The following SIX6 variants were observed in gnomAD, a reference collection of about 807,000 sequenced individuals.
SIX6 encodes homeobox protein SIX6.
Under a neutral mutation model 23.6 loss-of-function variants are expected in SIX6, and 14 were observed. That is an observed-to-expected ratio of 0.59 (90% CI 0.39 to 0.93). The LOEUF (loss-of-function observed/expected upper bound fraction) is 0.93. Among genes scored for constraint, SIX6 ranks in the 40% least tolerant of loss-of-function variants. SIX6 has a pLI of 0.00. For missense variants in SIX6, 307 were observed against 325.6 expected, an observed-to-expected ratio of 0.94 and a Z score of 0.44; for synonymous variants, 128 against 144.9, an observed-to-expected ratio of 0.88 and a Z score of 0.84.
In SIX6 at chr14:60,509,546, A is replaced by G; in HGVS notation, c.148A>G (p.Asn50Asp). The G allele has an allele frequency of 6.2e-7, 1 of 1,610,734 alleles. No homozygotes were observed. The highest frequency in any genetic ancestry group is 8.5e-7 in the Non-Finnish European group (1 of 1,179,994). ...APAACEALNK[N>D]ESVLRARAIV... The stretch of plus-strand genomic sequence containing the variant: ...TGCGGCCTGCGAGGCCCTCAACAAG[A>G]ATGAGTCGGTGCTACGCGCACGAGC... Residue 50 changes from asparagine (N) to aspartate (D), a missense_variant, in exon 1 of 2, where the codon AAT becomes GAT. Physicochemically the swap from Asn to Asp is conservative, Grantham distance 23. Transcript: ENST00000327720.
At position 60,509,311 on chromosome 14, in the gene SIX6, G is replaced by T; in HGVS notation, c.-88G>T. ...CTGCCCCAATCCGCCTCATCAACAA[G>T]CGCCTGGCACACTCAGCCAGGCCCG... On this transcript the variant is annotated 5_prime_UTR_variant, in exon 1 of 2. Coordinates refer to ENST00000327720, the MANE Select transcript of SIX6 (RefSeq NM_007374.3). The T allele has an allele frequency of 8.6e-7, 1 of 1,166,014 alleles. No homozygotes were observed. Among genetic ancestry groups the T allele is most frequent in the East Asian group, 2.4e-5 (1 of 42,438 alleles). 72.2% of individuals were successfully genotyped at this position (1,166,014 alleles called of 1,614,324 possible). A position where few individuals can be genotyped will look rare whatever the true frequency, so the allele number is the denominator to read the frequency against.
At chr14:60,510,020 G>A (rs1445475917) in intron 1 of SIX6, 50 bp downstream of exon 1, 1 of 1,503,452 alleles carries the variant, frequency 6.7e-7, no homozygotes, top group East Asian at 2.4e-5. Flanking sequence ...GAGGAGGCGG[G>A]TGGAGGCACC....
rs1265827837 is a variant in SIX6, at chr14:60,509,452, T to A, written c.54T>A (p.Cys18Ter). The A allele has an allele frequency of 6.2e-7, 1 of 1,600,010 alleles. No homozygotes were observed. Among genetic ancestry groups the A allele is most frequent in the African/African-American group, 1.3e-5 (1 of 75,062 alleles). ...GCCCCCAGCAAGTGGCCGGGGTATG[T>A]GAGACCCTGGAAGAGAGCGGCGATG... ...NFSPQQVAGV[C>*]ETLEESGDVE... Residue 18 changes from cysteine to a stop codon, truncating the protein, a stop_gained, in exon 1 of 2, where the codon TGT becomes TGA. Transcript: ENST00000327720. LOFTEE classifies it high-confidence loss of function.
intron 1 of SIX6, among the ~76,000 whole-genome samples, chr14:60,510,399 T>C (rs984302212): frequency 2.0e-5 from 3 of 152,240 alleles, no homozygotes; most frequent in African/African-American, 7.2e-5. Context: ...AGCCCAGGTA[T>C]ATCCCTCCCT....
At chr14:60,510,948 G>A in intron 1 of SIX6, 136 bp from the exon 2 acceptor site, 1 of 895,926 alleles carries the variant, frequency 1.1e-6, no homozygotes, top group Non-Finnish European at 1.7e-6. Flanking sequence ...GCCTTGCCGA[G>A]TAATCCTCGC....
In SIX6 at chr14:60,509,956, T is replaced by C; in HGVS notation, c.558T>C (p.Ala186=). The C allele has an allele frequency of 1.2e-6, 2 of 1,604,952 alleles. No individual in the cohort carries two copies. The highest frequency in any genetic ancestry group is 1.7e-6 in the Non-Finnish European group (2 of 1,175,276). The change falls in exon 1 of 2, where the codon GCT becomes GCC. Residue 186 remains alanine, a synonymous_variant. Coordinates refer to ENST00000327720, the MANE Select transcript of SIX6 (RefSeq NM_007374.3). The part of the protein sequence containing the change: ...FKNRRQRDRA[A]AAKNRLQQQV... ...ACCGCCGACAAAGGGACCGAGCGGC[T>C]GCAGCCAAGAACAGGTCGGTACCTA...
chr14:60,510,869 G>T (rs546622057), intron 1 of SIX6, among the ~76,000 whole-genome samples: 2 of 152,368 alleles, frequency 1.3e-5, no homozygotes, highest in South Asian at 4.1e-4. Context: ...GAAAGGGCGC[G>T]AATCATGGTG....
Position 60,509,302 on chromosome 14 carries a change from C to G in SIX6, c.-97C>G. 4 of 1,080,220 alleles carry G rather than the reference C, an allele frequency of 3.7e-6. No homozygotes were observed. The highest frequency in any genetic ancestry group is 3.5e-5 in the Admixed American group (2 of 57,872). The allele number at this position is 1,080,220 out of a possible 1,614,324, so 66.9% of individuals were successfully genotyped here. A position where few individuals can be genotyped will look rare whatever the true frequency, so the allele number is the denominator to read the frequency against. The stretch of plus-strand genomic sequence containing the variant: ...TGTGTCCCGCTGCCCCAATCCGCCT[C>G]ATCAACAAGCGCCTGGCACACTCAG... On this transcript the variant is annotated 5_prime_UTR_variant, in exon 1 of 2. Transcript: ENST00000327720.
rs958745864 is a variant in SIX6 at position 60,511,202 on chromosome 14, G to A, written c.691G>A (p.Ala231Thr). ...SPAASLSSKA[A>T]TSAISITSSD... The stretch of plus-strand genomic sequence containing the variant: ...GGCCGCCAGTCTATCCAGCAAGGCG[G>A]CCACTTCAGCCATCTCCATCACGTC... The change falls in exon 2 of 2, where the codon GCC becomes ACC. Residue 231 changes from alanine to threonine, a missense_variant. By Grantham distance (58) the Ala-to-Thr change is moderately conservative. Transcript: ENST00000327720. 1.2e-6 allele frequency: 2 copies of A among 1,613,106 alleles called. No individual in the cohort carries two copies. Among genetic ancestry groups the A allele is most frequent in the African/African-American group, 1.3e-5 (1 of 74,932 alleles).
intron 1 of SIX6, among the ~76,000 whole-genome samples, chr14:60,510,715 T>C (rs1893277637): frequency 6.6e-6 from 1 of 152,188 alleles, no homozygotes; most frequent in Non-Finnish European, 1.5e-5. Flanking sequence ...AGAAATGGTA[T>C]CCCATGTCCC....
Position 60,509,169 on chromosome 14 carries a change from C to A in SIX6, c.-230C>A, listed in dbSNP as rs1324165544. The A allele has an allele frequency of 3.5e-6, 2 of 566,172 alleles. No individual in the cohort carries two copies. The highest frequency in any genetic ancestry group is 3.9e-5 in the African/African-American group (2 of 51,804). The allele number at this position is 566,172 out of a possible 1,614,324, so 35.1% of individuals were successfully genotyped here. A position where few individuals can be genotyped will look rare whatever the true frequency, so the allele number is the denominator to read the frequency against. On this transcript the variant is annotated 5_prime_UTR_variant, in exon 1 of 2. Transcript: ENST00000327720. ...CCAATAGCGGAGCCAGCTCGCCTGC[C>A]GGCGTGCCTGAGCCGAGCCGAGCCC...
rs769430744 is a variant in SIX6 at position 60,509,948 on chromosome 14, C to A, written c.550C>A (p.Arg184=). The A allele has an allele frequency of 1.2e-6, 2 of 1,606,834 alleles. No homozygotes were observed. Among genetic ancestry groups the A allele is most frequent in the South Asian group, 1.1e-5 (1 of 90,104 alleles). Residue 184 remains arginine, a synonymous_variant, in exon 1 of 2, where the codon CGA becomes AGA. Coordinates refer to ENST00000327720, the MANE Select transcript of SIX6 (RefSeq NM_007374.3). ...GTTCAAAAACCGCCGACAAAGGGAC[C>A]GAGCGGCTGCAGCCAAGAACAGGTC... ...NWFKNRRQRD[R]AAAAKNRLQQ...
Position 60,509,261 on chromosome 14 carries a change from C to G in SIX6, c.-138C>G. The G allele has an allele frequency of 1.3e-6, 1 of 756,748 alleles. No homozygotes were observed. 46.9% of individuals were successfully genotyped at this position (756,748 alleles called of 1,614,324 possible). A position where few individuals can be genotyped will look rare whatever the true frequency, so the allele number is the denominator to read the frequency against. Reference sequence around the variant, plus strand: ...CGTCCGCTCCCGGCCGTTGAGCCACCGCCGCCACCCGGTAGTGTGTCCCGC... The same window carrying G: ...CGTCCGCTCCCGGCCGTTGAGCCACGGCCGCCACCCGGTAGTGTGTCCCGC... On this transcript the variant is annotated 5_prime_UTR_variant, in exon 1 of 2. Coordinates refer to ENST00000327720, the MANE Select transcript of SIX6 (RefSeq NM_007374.3).
intron 1 of SIX6, among the ~76,000 whole-genome samples, chr14:60,510,423 C>G (rs1267505994): frequency 6.6e-6 from 1 of 152,184 alleles, no homozygotes; most frequent in African/African-American, 2.4e-5. Context: ...GCTTTGAAAA[C>G]AGTTTTCAAT....
In SIX6 at chr14:60,512,449, ATCT is replaced by A. The variant is rs1893309188; in HGVS notation, c.*1202_*1204del. The A allele has an allele frequency of 6.6e-6, 1 of 152,204 alleles. No homozygotes were observed. The highest frequency in any genetic ancestry group is 1.5e-5 in the Non-Finnish European group (1 of 68,036). 9.4% of individuals were successfully genotyped at this position (152,204 alleles called of 1,614,324 possible). On this transcript the variant is annotated 3_prime_UTR_variant, in exon 2 of 2. Coordinates refer to ENST00000327720, the MANE Select transcript of SIX6 (RefSeq NM_007374.3). ...AGAGGTTGTAAATAATTAGACTAAC[ATCT>A]TCTTGCTGCAGAATTTGGTTTTAAT...
Position 60,511,433 on chromosome 14 carries a change from G to A in SIX6, c.*181G>A. 1 of 713,124 alleles carries A rather than the reference G, an allele frequency of 1.4e-6. No homozygotes were observed. The highest frequency in any genetic ancestry group is 1.6e-5 in the South Asian group (1 of 62,726). 44.2% of individuals were successfully genotyped at this position (713,124 alleles called of 1,614,324 possible). On this transcript the variant is annotated 3_prime_UTR_variant, in exon 2 of 2. Transcript: ENST00000327720. ...CCGCGGCCGGCCTGGCTTCACTGGC[G>A]CCCTTTGGCCGCGACCACGGGAACC... is the stretch of plus-strand genomic sequence containing the variant.
In SIX6 at chr14:60,509,831, G is replaced by A. The variant is rs753099890; in HGVS notation, c.433G>A (p.Glu145Lys). The stretch of plus-strand genomic sequence containing the variant: ...GGAGCGCACGCGGCACCTGCTACGC[G>A]AGTGGTACCTGCAGGATCCATACCC... ...FKERTRHLLR[E>K]WYLQDPYPNP... Residue 145 changes from glutamate (E) to lysine (K), a missense_variant, in exon 1 of 2, where the codon GAG becomes AAG. By Grantham distance (56) the Glu-to-Lys change is moderately conservative. Coordinates refer to ENST00000327720, the MANE Select transcript of SIX6 (RefSeq NM_007374.3). The A allele has an allele frequency of 1.2e-6, 2 of 1,613,906 alleles. No homozygotes were observed. Among genetic ancestry groups the A allele is most frequent in the Admixed American group, 1.7e-5 (1 of 59,994 alleles).
intron 1 of SIX6, 121 bp from the exon 2 acceptor site, chr14:60,510,963 A>C (rs1893282134): frequency 9.8e-7 from 1 of 1,022,762 alleles, no homozygotes; most frequent in African/African-American, 1.6e-5. Flanking sequence ...CCTCGCCTTA[A>C]CTGCTGGGGT....
chr14:60,511,024 G>A, intron 1 of SIX6, 60 bp from the exon 2 acceptor site: 1 of 1,555,548 alleles, frequency 6.4e-7, no homozygotes, highest in Non-Finnish European at 8.8e-7. Context: ...GAGGTGGTGG[G>A]GGCGGGCGAC....
Sources: gnomAD v4.1 joint callset for allele counts (sites outside exome capture counted in the v4.1 genomes callset) on GRCh38, gnomAD v4.1.1 for gene constraint, MANE v1.5 for transcripts, NCBI Gene and HGNC (gene_info 2026-07-23, HGNC 2026-07-21) for gene names.